NAV2: variants seen among roughly 807,000 people sequenced by gnomAD.
NAV2 encodes neuron navigator 2.
In NAV2, 54 loss-of-function variants were observed where a neutral mutation model predicts 223.2. That is an observed-to-expected ratio of 0.24 (90% CI 0.19 to 0.30). NAV2 has a LOEUF of 0.30. NAV2 is among the 10% of genes least tolerant of loss of function. The probability of loss-of-function intolerance (pLI) is 1.00; values close to 1 mark genes in which losing one functional copy is unlikely to be tolerated. For synonymous variants in NAV2, 1,279 were observed against 1,239.3 expected, an observed-to-expected ratio of 1.03 and a Z score of -0.67; for missense variants, 2,806 against 3,147.5, an observed-to-expected ratio of 0.89 and a Z score of 2.60.
chr11:20,059,780 G>GA (rs1179040306), intron 19 of NAV2, among the ~76,000 whole-genome samples: 5 of 152,140 alleles, frequency 3.3e-5, no homozygotes, highest in African/African-American at 7.2e-5. Flanking sequence ...CCTTGTAGCT[G>GA]AAAAAATGTG....
intron 1 of NAV2, among the ~76,000 whole-genome samples, chr11:19,508,278 A>G (rs1454623722): frequency 6.6e-6 from 1 of 152,060 alleles, no homozygotes; most frequent in Non-Finnish European, 1.5e-5. Flanking sequence ...CAGGGTCAGG[A>G]TGAGTCAAGG....
In NAV2 at chr11:19,946,483, T is replaced by A; in HGVS notation, c.2229T>A (p.Ser743Arg). ...AGAATTTGGAGGAAACCATGTCCAG[T>A]TTAAGGGGAACTCAGGTTACACACA... ...LRQNLEETMS[S>R]LRGTQVTHST... Residue 743 changes from serine (S) to arginine (R), a missense_variant, in exon 9 of 38, where the codon AGT becomes AGA. Physicochemically the swap from Ser to Arg is moderately radical, Grantham distance 110. Transcript: ENST00000349880. 2 of 1,613,582 alleles carry A rather than the reference T, an allele frequency of 1.2e-6. No individual in the cohort carries two copies. The highest frequency in any genetic ancestry group is 1.7e-6 in the Non-Finnish European group (2 of 1,179,818).
At chr11:19,686,327 C>T (rs1037436722) in intron 1 of NAV2, among the ~76,000 whole-genome samples, 6 of 152,182 alleles carry the variant, frequency 3.9e-5, no homozygotes, top group African/African-American at 1.4e-4. Flanking sequence ...AGACTGGGAG[C>T]TCCAGGAAGG....
rs192648000 is a variant in NAV2 at position 20,024,536 on chromosome 11, G to A, written c.2769-11423G>A. On this transcript the variant is annotated intron_variant, in intron 11 of 37. Transcript: ENST00000349880. ...ATTAATGCTGACCAAAGCTATTGGCGCTAGCTGTTCACATGTGTGCTGGAG... is the reference window on the plus strand; with the variant it reads ...ATTAATGCTGACCAAAGCTATTGGCACTAGCTGTTCACATGTGTGCTGGAG... 1.1e-4 allele frequency among the ~76,000 whole-genome samples: 17 copies of A among 152,320 alleles called. No homozygotes were observed. The East Asian group carries it at 2.7e-3, about 24-fold the overall frequency.
chr11:20,013,446 C>G (rs751744642), intron 11 of NAV2, among the ~76,000 whole-genome samples: 1 of 148,864 alleles, frequency 6.7e-6, no homozygotes, highest in Non-Finnish European at 1.5e-5. Context: ...TAGGCAAATA[C>G]CTAGAATGAG....
chr11:19,611,829 T>G (rs2046654357), intron 1 of NAV2, among the ~76,000 whole-genome samples: 1 of 152,186 alleles, frequency 6.6e-6, no homozygotes, highest in Non-Finnish European at 1.5e-5. Flanking sequence ...CATTCTGGGG[T>G]CTGGAGAATG....
chr11:20,037,839 A>G (rs1189182113), intron 12 of NAV2, among the ~76,000 whole-genome samples: 1 of 152,098 alleles, frequency 6.6e-6, no homozygotes, highest in Non-Finnish European at 1.5e-5. Flanking sequence ...CCTTGTGAAC[A>G]CTAATTTTTT....
chr11:20,091,120 C>T (rs1383699512), intron 27 of NAV2, 102 bp downstream of exon 27: 15 of 1,258,404 alleles, frequency 1.2e-5, no homozygotes, highest in African/African-American at 8.9e-5. Flanking sequence ...AATCTGGTGG[C>T]GGCCCTCGCT....
intron 1 of NAV2, among the ~76,000 whole-genome samples, chr11:19,456,119 C>T (rs1160397428): frequency 1.3e-5 from 2 of 152,208 alleles, no homozygotes; most frequent in African/African-American, 2.4e-5. Flanking sequence ...ACCAGCTCCT[C>T]CAAGACAGTT....
chr11:19,684,178 G>T (rs889739298), intron 1 of NAV2, among the ~76,000 whole-genome samples: 1 of 152,134 alleles, frequency 6.6e-6, no homozygotes, highest in African/African-American at 2.4e-5. Context: ...TGGAAAAAAT[G>T]AGGTAATATA....
At chr11:19,537,848 G>A (rs887425662) in intron 1 of NAV2, among the ~76,000 whole-genome samples, 2 of 152,192 alleles carry the variant, frequency 1.3e-5, no homozygotes, top group Non-Finnish European at 2.9e-5. Context: ...TTGTTTATCA[G>A]TAAAATGGAA....
At chr11:19,943,568 C>G (rs1395048339) in intron 8 of NAV2, among the ~76,000 whole-genome samples, 1 of 152,190 alleles carries the variant, frequency 6.6e-6, no homozygotes, top group Non-Finnish European at 1.5e-5. Context: ...AAGTTGTCAT[C>G]TATCTCAGAA....
At chr11:19,529,598 C>T (rs1159778104) in intron 1 of NAV2, among the ~76,000 whole-genome samples, 2 of 152,226 alleles carry the variant, frequency 1.3e-5, no homozygotes, top group Non-Finnish European at 2.9e-5. Context: ...CCTGTCTCCC[C>T]ACCTGGGATA....
At chr11:19,935,950 C>T (rs1405466336) in intron 7 of NAV2, among the ~76,000 whole-genome samples, 1 of 146,182 alleles carries the variant, frequency 6.8e-6, no homozygotes, top group Non-Finnish European at 1.5e-5. Flanking sequence ...CTCTGCCTCC[C>T]AGGTACAAGC....
chr11:20,074,772 T>TTTTTTTTTTTTTTTTTTTTTC (rs2059617983), intron 22 of NAV2, among the ~76,000 whole-genome samples: 1 of 145,200 alleles, frequency 6.9e-6, no homozygotes, highest in South Asian at 2.3e-4. Flanking sequence ...TTTTTTTTTT[T>TTTTTTTTTTTTTTTTTTTTTC]TTTTGCTTTC....
chr11:19,562,046 C>T (rs540194541), intron 1 of NAV2, among the ~76,000 whole-genome samples: 2 of 152,310 alleles, frequency 1.3e-5, no homozygotes, highest in South Asian at 2.1e-4. Context: ...GGGGTGAGGG[C>T]CTCGTGCCTC....
intron 1 of NAV2, among the ~76,000 whole-genome samples, chr11:19,515,516 C>G (rs575986542): frequency 6.6e-6 from 1 of 152,100 alleles, no homozygotes; most frequent in Non-Finnish European, 1.5e-5. Context: ...ATTTCAGAAC[C>G]AGAGAGCATT....
At chr11:19,950,427 CT>C (rs1343117584) in intron 10 of NAV2, among the ~76,000 whole-genome samples, 1 of 152,220 alleles carries the variant, frequency 6.6e-6, no homozygotes, top group Admixed American at 6.5e-5. Context: ...TGCCCAAGGG[CT>C]TGCAGCTATT....
chr11:19,383,687 G>A (rs983531750), intron 1 of NAV2, among the ~76,000 whole-genome samples: 4 of 152,160 alleles, frequency 2.6e-5, no homozygotes, highest in Non-Finnish European at 4.4e-5. Context: ...GGCCTCCTAC[G>A]TGAAATCAAG....
Sources: allele counts gnomAD v4.1 joint callset (sites outside exome capture counted in the v4.1 genomes callset), GRCh38; gene constraint gnomAD v4.1.1; transcripts MANE v1.5; gene names NCBI Gene and HGNC (gene_info 2026-07-23, HGNC 2026-07-21).